Variants in DPP6 observed in about 807,000 individuals in gnomAD.
The protein encoded by DPP6 is dipeptidyl peptidase like 6, also known as A-type potassium channel modulatory protein DPP6.
Under a neutral mutation model 122.6 loss-of-function variants are expected in DPP6, and 69 were observed. That is an observed-to-expected ratio of 0.56 (90% CI 0.46 to 0.69). The LOEUF (loss-of-function observed/expected upper bound fraction) is 0.69. Ranked by LOEUF, DPP6 falls within the 30% of genes least tolerant of loss-of-function variation. The pLI is 0.00. For synonymous variants in DPP6, 418 were observed against 433.1 expected, an observed-to-expected ratio of 0.97 and a Z score of 0.43; for missense variants, 928 against 1,116.9, an observed-to-expected ratio of 0.83 and a Z score of 2.41.
chr7:154,653,592 TAGAC>T (rs140466344), intron 6 of DPP6, among the ~76,000 whole-genome samples: 3,043 of 151,942 alleles, frequency 0.02, 103 homozygotes, highest in East Asian at 0.18. Flanking sequence ...TGATAGATAA[TAGAC>T]TGATTGATTG....
At chr7:154,212,615 CTCAA>C (rs772772856) in intron 1 of DPP6, among the ~76,000 whole-genome samples, 50 of 152,248 alleles carry the variant, frequency 3.3e-4, no homozygotes, top group Non-Finnish European at 4.6e-4. Flanking sequence ...GGTCTCGGAG[CTCAA>C]TCAATCAGCA....
intron 5 of DPP6, among the ~76,000 whole-genome samples, chr7:154,626,549 A>T (rs1835077724): frequency 6.6e-6 from 1 of 152,246 alleles, no homozygotes; most frequent in South Asian, 2.1e-4. Flanking sequence ...TGATCAGAAA[A>T]GAAGGAACTA....
At position 154,483,954 on chromosome 7, in the gene DPP6, A is replaced by C. The variant is rs920373199; in HGVS notation, c.457+8917A>C. On this transcript the variant is annotated intron_variant, in intron 3 of 25. Coordinates refer to ENST00000377770, the MANE Select transcript of DPP6 (RefSeq NM_130797.4). This position sits in a 1 kb window ranked among gnomAD's most constrained non-coding sequence, Gnocchi z 8.1. Reference sequence around the variant, plus strand: ...GTGATCTGCCCGCCTCAGCCTCCCAAAGTGTTGGGATTACAGATGTGAGCC... The same window carrying C: ...GTGATCTGCCCGCCTCAGCCTCCCACAGTGTTGGGATTACAGATGTGAGCC... Among the ~76,000 whole-genome samples, 13 of 152,110 alleles carry C rather than the reference A, an allele frequency of 8.5e-5. No individual in the cohort carries two copies. Among genetic ancestry groups the C allele is most frequent in the Admixed American group, 2.0e-4 (3 of 15,280 alleles).
chr7:154,208,781 A>G (rs75984126), intron 1 of DPP6, among the ~76,000 whole-genome samples: 2 of 152,106 alleles, frequency 1.3e-5, no homozygotes, highest in Admixed American at 6.6e-5. Context: ...AAAAAAAAAA[A>G]ATAGGGCAGC....
At chr7:154,754,976 G>A (rs1364140598) in intron 8 of DPP6, among the ~76,000 whole-genome samples, 1 of 152,018 alleles carries the variant, frequency 6.6e-6, no homozygotes, top group Non-Finnish European at 1.5e-5. Flanking sequence ...GGGCCTGTCT[G>A]TGGGTGGGCG....
At chr7:154,142,977 C>G (rs369007891) in intron 1 of DPP6, among the ~76,000 whole-genome samples, 1 of 138,152 alleles carries the variant, frequency 7.2e-6, no homozygotes, top group Non-Finnish European at 1.5e-5. Context: ...GTTCCAACAT[C>G]AGATGACTCC....
chr7:154,482,467 A>G (rs1823392242), intron 3 of DPP6, among the ~76,000 whole-genome samples: 2 of 152,210 alleles, frequency 1.3e-5, no homozygotes. Context: ...TTATTACAGT[A>G]AATTAGAAAT....
chr7:154,880,828 G>C, intron 20 of DPP6, 60 bp from the exon 21 acceptor site: 1 of 1,613,922 alleles, frequency 6.2e-7, no homozygotes, highest in Non-Finnish European at 8.5e-7. Context: ...CTGGGCTACA[G>C]GAAGACAAAG....
chr7:153,758,538 C>T, the DPP6 span, among the ~76,000 whole-genome samples: 2 of 152,190 alleles, frequency 1.3e-5, no homozygotes, highest in African/African-American at 4.8e-5. Flanking sequence ...TACCTTTTTC[C>T]ATCCGTAAGG....
chr7:154,346,356 G>A (rs1208153006), intron 1 of DPP6, among the ~76,000 whole-genome samples: 1 of 152,062 alleles, frequency 6.6e-6, no homozygotes, highest in East Asian at 1.9e-4. Context: ...AGGCTGGAGT[G>A]CAATGAATGG....
the DPP6 span, among the ~76,000 whole-genome samples, chr7:153,787,093 A>G: frequency 7.0e-6 from 1 of 143,472 alleles, no homozygotes; most frequent in African/African-American, 2.6e-5. Context: ...CTGGGACTAC[A>G]GGTGCCCACG....
At chr7:154,503,146 A>G (rs1825388776) in intron 3 of DPP6, among the ~76,000 whole-genome samples, 1 of 152,220 alleles carries the variant, frequency 6.6e-6, no homozygotes, top group South Asian at 2.1e-4. Flanking sequence ...ACACCTTGCA[A>G]TACAGTACAG....
At chr7:154,365,889 C>T (rs528062697) in intron 1 of DPP6, among the ~76,000 whole-genome samples, 5 of 140,638 alleles carry the variant, frequency 3.6e-5, no homozygotes, top group East Asian at 2.2e-4. Context: ...ACCTGGGAGG[C>T]GGAGCTTGCA....
intron 1 of DPP6, among the ~76,000 whole-genome samples, chr7:154,413,060 T>G (rs769078207): frequency 6.6e-6 from 1 of 152,334 alleles, no homozygotes; most frequent in Admixed American, 6.5e-5. Context: ...CCAGCCCTCC[T>G]GAGGGAGAAC....
chr7:154,763,039 G>T (rs1032023731), intron 8 of DPP6, among the ~76,000 whole-genome samples: 2 of 152,184 alleles, frequency 1.3e-5, no homozygotes, highest in African/African-American at 2.4e-5. Flanking sequence ...TTTAGAAATG[G>T]CTCTGCTGCC....
intron 4 of DPP6, among the ~76,000 whole-genome samples, chr7:154,562,653 C>T (rs183714484): frequency 7.3e-4 from 111 of 152,076 alleles, no homozygotes; most frequent in Non-Finnish European, 9.7e-4. Flanking sequence ...AAGGAAATAC[C>T]TATATACACA....
intron 1 of DPP6, among the ~76,000 whole-genome samples, chr7:154,334,519 C>T (rs913243346): frequency 7.9e-5 from 12 of 152,226 alleles, no homozygotes; most frequent in African/African-American, 2.9e-4. Flanking sequence ...TGCCTTTCAC[C>T]ATACCATGTC....
chr7:154,824,471 G>A (rs2150505151), intron 16 of DPP6, among the ~76,000 whole-genome samples: 1 of 152,252 alleles, frequency 6.6e-6, no homozygotes, highest in East Asian at 1.9e-4. Context: ...TAGAGACAGG[G>A]TTTCACCGTG....
At chr7:154,432,317 A>C (rs1016063257) in intron 1 of DPP6, among the ~76,000 whole-genome samples, 5 of 152,236 alleles carry the variant, frequency 3.3e-5, no homozygotes, top group African/African-American at 1.2e-4. Context: ...GTTTTCACGC[A>C]TTCTGGTATG....
Sources: allele counts gnomAD v4.1 joint callset (sites outside exome capture counted in the v4.1 genomes callset), GRCh38; gene constraint gnomAD v4.1.1; non-coding constraint Gnocchi (gnomAD v3.1); transcripts MANE v1.5; gene names NCBI Gene and HGNC (gene_info 2026-07-23, HGNC 2026-07-21).